The following AGTR1 variants were observed in gnomAD, a reference collection of about 807,000 sequenced individuals.
AGTR1 encodes the protein angiotensin II receptor type 1, also known as type-1 angiotensin II receptor.
Under a neutral mutation model 19.4 loss-of-function variants are expected in AGTR1, and 16 were observed. That is an observed-to-expected ratio of 0.82 (90% CI 0.56 to 1.25). The LOEUF (loss-of-function observed/expected upper bound fraction) is 1.25, where lower values mean the gene tolerates loss of function less well. Ranked by LOEUF, AGTR1 falls within the 50% of genes most tolerant of loss-of-function variation. The pLI is 0.00. For missense variants in AGTR1, 373 were observed against 431.9 expected (o/e 0.86, Z 1.21); for synonymous variants, 153 against 154.9 (o/e 0.99, Z 0.09).
chr3:148,718,668 T>C (rs984001335), intron 2 of AGTR1, among the ~76,000 whole-genome samples: 3 of 152,234 alleles, frequency 2.0e-5, no homozygotes, highest in Non-Finnish European at 4.4e-5. Context: ...ACATTAGTTT[T>C]TAAACCTATA....
At position 148,741,863 on chromosome 3, in the gene AGTR1, T is replaced by G; in HGVS notation, c.828T>G (p.Ile276Met). ...TAGGCATCATACGTGACTGTAGAAT[T>G]GCAGATATTGTGGACACGGCCATGC... is the stretch of plus-strand genomic sequence containing the variant. Reference protein sequence around the residue: ...IQLGIIRDCRIADIVDTAMPI... With the variant: ...IQLGIIRDCRMADIVDTAMPI... Residue 276 changes from isoleucine (I) to methionine (M), a missense_variant, in exon 3 of 3, where the codon ATT (isoleucine) becomes ATG (methionine). Ile to Met is a conservative substitution (Grantham distance 10, BLOSUM62 1). Transcript: ENST00000349243. 6.2e-7 allele frequency: 1 copy of G among 1,614,150 alleles called. No homozygotes were observed. Among genetic ancestry groups the G allele is most frequent in the Non-Finnish European group, 8.5e-7 (1 of 1,180,024 alleles).
At chr3:148,727,981 G>T (rs1231570486) in intron 2 of AGTR1, among the ~76,000 whole-genome samples, 1 of 152,062 alleles carries the variant, frequency 6.6e-6, no homozygotes, top group East Asian at 1.9e-4. Context: ...AGTATCACTT[G>T]TCTGCCTGCT....
rs113182721 is a variant in AGTR1 at position 148,699,101 on chromosome 3, G to C, written c.-132+974G>C. On this transcript the variant is annotated intron_variant, in intron 1 of 2. Coordinates refer to ENST00000349243, the MANE Select transcript of AGTR1 (RefSeq NM_000685.5). ...AAAAACCTACTCCCCCCCTTCAGGA[G>C]CCCTCTTTTAATGAAAGTTTGGGTA... is the stretch of plus-strand genomic sequence containing the variant. Among the ~76,000 whole-genome samples, 32 of 152,146 alleles carry C rather than the reference G, an allele frequency of 2.1e-4. No homozygotes were observed. In the East Asian group the frequency reaches 5.6e-3, roughly 27 times the overall value.
At chr3:148,715,428 T>C (rs1412602272) in intron 2 of AGTR1, among the ~76,000 whole-genome samples, 1 of 152,128 alleles carries the variant, frequency 6.6e-6, no homozygotes, top group Non-Finnish European at 1.5e-5. Flanking sequence ...CTATTTCCAA[T>C]AGATGGGAGC....
rs537293456 is a variant in AGTR1, at chr3:148,716,969, A to G, written c.-48+8942A>G. ...TCAATGGCACAGTCTCCTTATTCAA[A>G]AAATAAAAATAAAAATAAATCTCAA... On this transcript the variant is annotated intron_variant, in intron 2 of 2. Coordinates refer to ENST00000349243, the MANE Select transcript of AGTR1 (RefSeq NM_000685.5). The surrounding 1 kb of genome is among the most constrained non-coding windows in gnomAD (Gnocchi z 4.7). Among the ~76,000 whole-genome samples the G allele has an allele frequency of 6.6e-6, 1 of 152,258 alleles. No individual in the cohort carries two copies. Among genetic ancestry groups the G allele is most frequent in the African/African-American group, 2.4e-5 (1 of 41,566 alleles).
chr3:148,708,934 A>G (rs1386825381), intron 2 of AGTR1, among the ~76,000 whole-genome samples: 2 of 152,186 alleles, frequency 1.3e-5, no homozygotes, highest in African/African-American at 4.8e-5. Flanking sequence ...GTAGATAAAT[A>G]TTAGAGGGAT....
rs148672720 is a variant in AGTR1, at chr3:148,719,139, A to G, written c.-48+11112A>G. On this transcript the variant is annotated intron_variant, in intron 2 of 2. Coordinates refer to ENST00000349243, the MANE Select transcript of AGTR1 (RefSeq NM_000685.5). ...TGAAAGCTGGAAGTCTCAGCCAGCT[A>G]GTAATGGTTTTTTAAAATAGGTAAT... 3.0e-3 allele frequency among the ~76,000 whole-genome samples: 460 copies of G among 152,362 alleles called. 8 individuals are homozygous for G. The highest frequency in any genetic ancestry group is 0.011 in the African/African-American group (451 of 41,588).
chr3:148,717,134 T>A (rs1179102178), intron 2 of AGTR1, among the ~76,000 whole-genome samples: 1 of 152,006 alleles, frequency 6.6e-6, no homozygotes, highest in Non-Finnish European at 1.5e-5. Flanking sequence ...GCTCACACAC[T>A]TAGACATAAC....
At chr3:148,718,173 C>T (rs1315225482) in intron 2 of AGTR1, among the ~76,000 whole-genome samples, 1 of 152,146 alleles carries the variant, frequency 6.6e-6, no homozygotes, top group Non-Finnish European at 1.5e-5. Context: ...AGTATTACAC[C>T]TTGCCTGGCA....
At chr3:148,737,744 T>G (rs1714648787) in intron 2 of AGTR1, among the ~76,000 whole-genome samples, 1 of 152,160 alleles carries the variant, frequency 6.6e-6, no homozygotes, top group Admixed American at 6.5e-5. Flanking sequence ...GGAAAAAATT[T>G]GTTTCTTTAT....
chr3:148,705,671 T>C (rs1237068757), intron 1 of AGTR1, among the ~76,000 whole-genome samples: 1 of 151,890 alleles, frequency 6.6e-6, no homozygotes, highest in Non-Finnish European at 1.5e-5. Context: ...TTAAGCCATA[T>C]GATAGAACAT....
intron 2 of AGTR1, among the ~76,000 whole-genome samples, chr3:148,738,130 T>C (rs1037003465): frequency 2.0e-5 from 3 of 152,058 alleles, no homozygotes; most frequent in East Asian, 3.9e-4. Context: ...CCCACATGAG[T>C]TGTGTGCTGT....
At chr3:148,704,230 GTAGTTGGGACCTGTA>G (rs1712536508) in intron 1 of AGTR1, among the ~76,000 whole-genome samples, 1 of 151,844 alleles carries the variant, frequency 6.6e-6, no homozygotes, top group Admixed American at 6.6e-5. Context: ...ACACCATGTA[GTAGTTGGGACCTGTA>G]GTCCCAACTA....
chr3:148,737,023 AG>A (rs1191427130), intron 2 of AGTR1, among the ~76,000 whole-genome samples: 2 of 152,194 alleles, frequency 1.3e-5, no homozygotes, highest in Non-Finnish European at 2.9e-5. Context: ...TCAGCTTCAA[AG>A]AAAAAAGAGC....
intron 1 of AGTR1, among the ~76,000 whole-genome samples, chr3:148,701,101 G>T (rs150218736): frequency 4.2e-4 from 64 of 152,156 alleles, no homozygotes; most frequent in African/African-American, 1.5e-3. Context: ...TATCTATAGG[G>T]ACTTAAGGTA....
chr3:148,733,658 C>T (rs1714414868), intron 2 of AGTR1, among the ~76,000 whole-genome samples: 1 of 152,030 alleles, frequency 6.6e-6, no homozygotes, highest in Admixed American at 6.5e-5. Flanking sequence ...TCTCCAAGAG[C>T]CATATTATTA....
chr3:148,724,008 T>A (rs1201558189), intron 2 of AGTR1, among the ~76,000 whole-genome samples: 1 of 152,212 alleles, frequency 6.6e-6, no homozygotes, highest in African/African-American at 2.4e-5. Context: ...TTTAACTAAA[T>A]CTAATCTAGA....
At chr3:148,732,674 G>A (rs1271615135) in intron 2 of AGTR1, among the ~76,000 whole-genome samples, 2 of 149,034 alleles carry the variant, frequency 1.3e-5, no homozygotes, top group Non-Finnish European at 3.0e-5. Context: ...TGCCCTTCTC[G>A]TCAAATGATG....
rs12695871 is a variant in AGTR1, at chr3:148,702,474, T to C, written c.-132+4347T>C. On this transcript the variant is annotated intron_variant, in intron 1 of 2. Coordinates refer to ENST00000349243, the MANE Select transcript of AGTR1 (RefSeq NM_000685.5). ...TCTGAGTGATATTAGGCCCTGAGGA[T>C]ACAAGCCAAAGTATAAAAATGGTCT... 1.0e-2 allele frequency among the ~76,000 whole-genome samples: 1,521 copies of C among 152,304 alleles called. 21 individuals carry two copies. Among genetic ancestry groups the C allele is most frequent in the African/African-American group, 0.035 (1,467 of 41,554 alleles).
Sources: gnomAD v4.1 joint callset for allele counts (sites outside exome capture counted in the v4.1 genomes callset) on GRCh38, gnomAD v4.1.1 for gene constraint, Gnocchi (gnomAD v3.1) non-coding constraint, MANE v1.5 for transcripts, NCBI Gene and HGNC (gene_info 2026-07-23, HGNC 2026-07-21) for gene names.